The following NELL1 variants were observed in gnomAD, a reference collection of about 807,000 sequenced individuals.
The protein encoded by NELL1 is neural EGFL like 1, also known as protein kinase C-binding protein NELL1.
A neutral mutation model predicts 107.4 loss-of-function variants in NELL1; 76 were observed. The ratio of observed to expected loss-of-function variants is 0.71; its 90% CI spans 0.59 to 0.86. NELL1 has a LOEUF of 0.86. Among genes scored for constraint, NELL1 ranks in the 40% least tolerant of loss-of-function variants. NELL1 has a pLI of 0.00. For missense variants in NELL1, 1,024 were observed against 1,005.5 expected (o/e 1.02, Z -0.25); for synonymous variants, 353 against 341.2 (o/e 1.03, Z -0.38).
chr11:20,895,807 G>C (rs1036085492), intron 5 of NELL1, among the ~76,000 whole-genome samples: 2 of 152,064 alleles, frequency 1.3e-5, no homozygotes, highest in African/African-American at 4.8e-5. Flanking sequence ...CGCCTGGCCA[G>C]ATACTTGCCT....
chr11:21,108,737 G>A (rs1438189171), intron 12 of NELL1, among the ~76,000 whole-genome samples: 2 of 152,090 alleles, frequency 1.3e-5, no homozygotes, highest in Non-Finnish European at 2.9e-5. Context: ...GGGGCCTTGG[G>A]TCACTGGAGC....
chr11:21,390,022 C>A (rs1231497125), intron 15 of NELL1, among the ~76,000 whole-genome samples: 5 of 151,762 alleles, frequency 3.3e-5, no homozygotes, highest in African/African-American at 1.2e-4. Flanking sequence ...TTCCTAATAA[C>A]AATAAATGAG....
chr11:21,147,895 G>GATATCTT lies in NELL1; in HGVS notation c.1426+34183_1426+34189dup, dbSNP rs1178012709. On this transcript the variant is annotated intron_variant, in intron 13 of 19. Transcript: ENST00000357134. ...AGAAAAGATATCTTTTTATTTTTTA[G>GATATCTT]ATATCTTAGAAAAGTAGTTGCTTTG... 3.0e-5 allele frequency among the ~76,000 whole-genome samples: 4 copies of GATATCTT among 132,054 alleles called. No homozygotes were observed. The East Asian group carries it at 9.5e-4, about 31-fold the overall frequency. 86.6% of individuals were successfully genotyped at this position (132,054 alleles called of 152,430 possible). A position where few individuals can be genotyped will look rare whatever the true frequency, so the allele number is the denominator to read the frequency against.
chr11:21,453,835 A>G (rs1853650140), intron 15 of NELL1, among the ~76,000 whole-genome samples: 1 of 144,626 alleles, frequency 6.9e-6, no homozygotes, highest in Admixed American at 7.0e-5. Context: ...ATTTTGTGCC[A>G]GGGTTTACAA....
At chr11:21,113,845 C>A in intron 13 of NELL1, 131 bp downstream of exon 13, 1 of 895,344 alleles carries the variant, frequency 1.1e-6, no homozygotes, top group African/African-American at 1.7e-5. Flanking sequence ...ATTACTTCAC[C>A]CCACCTTTTG....
At chr11:21,097,393 G>C (rs953217312) in intron 12 of NELL1, among the ~76,000 whole-genome samples, 1 of 152,210 alleles carries the variant, frequency 6.6e-6, no homozygotes, top group African/African-American at 2.4e-5. Flanking sequence ...CAAGAGCACA[G>C]AGAACAAAGG....
chr11:21,080,109 T>C (rs564750685), intron 12 of NELL1, among the ~76,000 whole-genome samples: 1 of 152,102 alleles, frequency 6.6e-6, no homozygotes, highest in African/African-American at 2.4e-5. Context: ...CTAAGTGCTT[T>C]ACAGTATTAC....
At position 21,560,234 on chromosome 11, in the gene NELL1, C is replaced by A. The variant is rs201497390; in HGVS notation, c.1832C>A (p.Ser611Tyr). ...ALRTHTCWND[S>Y]ACINLAGGFD... is the part of the protein sequence containing the mutation. ...AGAACTCACACCTGTTGGAACGATT[C>A]TGCCTGCATCAACCTGGCAGGGGGC... The change falls in exon 17 of 20, where the codon TCT becomes TAT. Residue 611 changes from serine to tyrosine, a missense_variant. Physicochemically the swap from Ser to Tyr is moderately radical, Grantham distance 144. Coordinates refer to ENST00000357134, the MANE Select transcript of NELL1 (RefSeq NM_006157.5). 2 of 1,613,722 alleles carry A rather than the reference C, an allele frequency of 1.2e-6. No individual in the cohort carries two copies. Among genetic ancestry groups the A allele is most frequent in the Non-Finnish European group, 1.7e-6 (2 of 1,179,746 alleles).
intron 3 of NELL1, among the ~76,000 whole-genome samples, chr11:20,845,121 A>G (rs1848681495): frequency 1.3e-5 from 2 of 152,228 alleles, no homozygotes; most frequent in African/African-American, 4.8e-5. Context: ...TCAAAAATAT[A>G]TCATCTTGAT....
At position 21,550,354 on chromosome 11, in the gene NELL1, G is replaced by A. The variant is rs972377846; in HGVS notation, c.1787-9835G>A. On this transcript the variant is annotated intron_variant, in intron 16 of 19. Transcript: ENST00000357134. ...AAGCTCTTTATTTTAATTAGGTCCCGTTTGTCAATTTTGGCTTTTGTTGCC... is the reference window on the plus strand; with the variant it reads ...AAGCTCTTTATTTTAATTAGGTCCCATTTGTCAATTTTGGCTTTTGTTGCC... Among the ~76,000 whole-genome samples, 16 of 151,822 alleles carry A rather than the reference G, an allele frequency of 1.1e-4. 1 individual carries two copies. The highest frequency in any genetic ancestry group is 2.6e-4 in the Admixed American group (4 of 15,214).
intron 12 of NELL1, among the ~76,000 whole-genome samples, chr11:21,053,988 A>G (rs1853558180): frequency 6.6e-6 from 1 of 152,282 alleles, no homozygotes; most frequent in Non-Finnish European, 1.5e-5. Context: ...GGTTCTTCCT[A>G]CGTATCTTTC....
Position 21,054,056 on chromosome 11 carries a change from G to A in NELL1, c.1301-59533G>A, listed in dbSNP as rs150438193. ...AATACATTTTCATTACAGAAAAGTT[G>A]GAATGTAGAAAAATCTTAAAAATGA... On this transcript the variant is annotated intron_variant, in intron 12 of 19. Transcript: ENST00000357134. 4.6e-5 allele frequency among the ~76,000 whole-genome samples: 7 copies of A among 152,102 alleles called. No homozygotes were observed. In the East Asian group the frequency reaches 1.4e-3, roughly 29 times the overall value.
At chr11:21,242,672 T>G (rs950624481) in intron 14 of NELL1, among the ~76,000 whole-genome samples, 11 of 151,624 alleles carry the variant, frequency 7.3e-5, no homozygotes, top group Non-Finnish European at 1.2e-4. Flanking sequence ...TTACTGTGAA[T>G]ATCCAGAGTT....
At chr11:20,995,810 A>G (rs1852078979) in intron 12 of NELL1, among the ~76,000 whole-genome samples, 1 of 152,136 alleles carries the variant, frequency 6.6e-6, no homozygotes, top group Non-Finnish European at 1.5e-5. Flanking sequence ...ATCTTCTGTA[A>G]ATCACCTCCT....
At chr11:21,534,225 T>G in intron 15 of NELL1, 149 bp from the exon 16 acceptor site, 1 of 796,598 alleles carries the variant, frequency 1.3e-6, no homozygotes. Flanking sequence ...CTGGAAAATA[T>G]GGGATTTGCT....
intron 15 of NELL1, among the ~76,000 whole-genome samples, chr11:21,503,200 C>A (rs1472644065): frequency 1.3e-5 from 2 of 152,274 alleles, no homozygotes. Context: ...CCTTTGTATA[C>A]TTTGTTCGCA....
chr11:21,433,411 G>T (rs953525435), intron 15 of NELL1, among the ~76,000 whole-genome samples: 2 of 152,048 alleles, frequency 1.3e-5, no homozygotes, highest in African/African-American at 4.8e-5. Context: ...GGGAATGCTG[G>T]GTCATAGGTA....
At chr11:21,442,620 T>C (rs1853313279) in intron 15 of NELL1, among the ~76,000 whole-genome samples, 1 of 152,232 alleles carries the variant, frequency 6.6e-6, no homozygotes, top group Non-Finnish European at 1.5e-5. Flanking sequence ...ATTTCACTTA[T>C]GTTACTTGAG....
chr11:21,273,101 C>T (rs1040382564), intron 14 of NELL1, among the ~76,000 whole-genome samples: 2 of 152,094 alleles, frequency 1.3e-5, no homozygotes, highest in African/African-American at 2.4e-5. Context: ...GATCAAACTA[C>T]TCCGAGCTAC....
Sources: allele counts gnomAD v4.1 joint callset (sites outside exome capture counted in the v4.1 genomes callset), GRCh38; gene constraint gnomAD v4.1.1; transcripts MANE v1.5; gene names NCBI Gene and HGNC (gene_info 2026-07-23, HGNC 2026-07-21).